The following GNB1 variants were observed in gnomAD, a reference collection of about 807,000 sequenced individuals.
GNB1 encodes guanine nucleotide-binding protein G(I)/G(S)/G(T) subunit beta-1.
In GNB1, 2 loss-of-function variants were observed where a neutral mutation model predicts 42.9. The observed-to-expected ratio is 0.05, with a 90% confidence interval of 0.02 to 0.15. GNB1 has a LOEUF of 0.15. Ranked by LOEUF, GNB1 falls within the 10% of genes least tolerant of loss-of-function variation. The pLI, the probability that GNB1 is intolerant of heterozygous loss-of-function variation, is 1.00. For synonymous variants in GNB1, 183 were observed against 174.7 expected, an observed-to-expected ratio of 1.05 and a Z score of -0.38; for missense variants, 193 against 462.2, an observed-to-expected ratio of 0.42 and a Z score of 5.34.
chr1:1,803,473 G>A (rs1174119195), intron 7 of GNB1, among the ~76,000 whole-genome samples: 1 of 152,088 alleles, frequency 6.6e-6, no homozygotes, highest in African/African-American at 2.4e-5. Context: ...GTAGAGAAGG[G>A]GTCTAGCTTT....
Position 1,830,831 on chromosome 1 carries a change from C to A in GNB1, c.-46-5332G>T, listed in dbSNP as rs181154366. Among the ~76,000 whole-genome samples the A allele has an allele frequency of 1.4e-3, 213 of 152,006 alleles. 1 individual carries two copies. The highest frequency in any genetic ancestry group is 5.7e-3 in the Admixed American group (87 of 15,246). ...CAAAGCGCTAGACTCTAATCTATTG[C>A]ATGAGCCACCACACCCAGCCTAAAG... On this transcript the variant is annotated intron_variant, in intron 2 of 11. Coordinates refer to ENST00000378609, the MANE Select transcript of GNB1 (RefSeq NM_002074.5).
At chr1:1,825,294 A>G (rs1436549658) in intron 3 of GNB1, 103 bp downstream of exon 3, 2 of 810,596 alleles carry the variant, frequency 2.5e-6, no homozygotes, top group Non-Finnish European at 4.3e-6. Flanking sequence ...AATTTCATAT[A>G]AAACATAGAA....
intron 5 of GNB1, among the ~76,000 whole-genome samples, chr1:1,812,629 A>C (rs1570654446): frequency 6.6e-6 from 1 of 152,202 alleles, no homozygotes; most frequent in Non-Finnish European, 1.5e-5. Flanking sequence ...AACATGGACC[A>C]ATGTGGCACC....
At chr1:1,856,574 C>T (rs1364874739) in intron 1 of GNB1, among the ~76,000 whole-genome samples, 4 of 152,132 alleles carry the variant, frequency 2.6e-5, no homozygotes, top group Non-Finnish European at 4.4e-5. Context: ...ACTACAGGCA[C>T]GCGCTACGAC....
intron 1 of GNB1, among the ~76,000 whole-genome samples, chr1:1,885,956 T>C (rs1201202273): frequency 2.6e-4 from 40 of 151,176 alleles, no homozygotes; most frequent in Admixed American, 2.6e-3. Context: ...TTCCACTGAT[T>C]ACCATGGCAC....
At chr1:1,811,926 C>T (rs1367991600) in intron 5 of GNB1, among the ~76,000 whole-genome samples, 8 of 151,304 alleles carry the variant, frequency 5.3e-5, no homozygotes, top group Admixed American at 2.6e-4. Flanking sequence ...ATTAGCCAGG[C>T]GTGGTGGCAG....
At chr1:1,812,017 G>C (rs1222453353) in intron 5 of GNB1, among the ~76,000 whole-genome samples, 4 of 151,414 alleles carry the variant, frequency 2.6e-5, no homozygotes, top group African/African-American at 9.7e-5. Flanking sequence ...AGTGAGCCGA[G>C]ATCGCACCAC....
intron 7 of GNB1, among the ~76,000 whole-genome samples, chr1:1,794,445 T>A (rs115411974): frequency 8.8e-4 from 134 of 152,262 alleles, no homozygotes; most frequent in African/African-American, 3.0e-3. Flanking sequence ...GTGCCCAGGA[T>A]TGGTGACAGA....
At chr1:1,809,568 G>A (rs953394413) in intron 5 of GNB1, among the ~76,000 whole-genome samples, 1 of 152,176 alleles carries the variant, frequency 6.6e-6, no homozygotes, top group Non-Finnish European at 1.5e-5. Context: ...TTTCTGCCCA[G>A]CCCTTCTGAG....
chr1:1,843,833 G>A (rs947939105), intron 1 of GNB1, among the ~76,000 whole-genome samples: 2 of 152,132 alleles, frequency 1.3e-5, no homozygotes, highest in African/African-American at 4.8e-5. Context: ...GCCGAGGCGG[G>A]TGGATCACCT....
At chr1:1,832,072 A>G (rs2101066625) in intron 2 of GNB1, among the ~76,000 whole-genome samples, 1 of 151,832 alleles carries the variant, frequency 6.6e-6, no homozygotes, top group South Asian at 2.1e-4. Flanking sequence ...TCAAAAAAAA[A>G]AAAAAAAGAA....
intron 1 of GNB1, among the ~76,000 whole-genome samples, chr1:1,865,663 A>G (rs1203539069): frequency 6.6e-6 from 1 of 152,238 alleles, no homozygotes; most frequent in Non-Finnish European, 1.5e-5. Context: ...GGATACAGCA[A>G]GAAACATGAC....
intron 3 of GNB1, among the ~76,000 whole-genome samples, chr1:1,821,136 A>G (rs1646925534): frequency 6.6e-6 from 1 of 152,206 alleles, no homozygotes. Context: ...TTGGGGTTTC[A>G]TCCTAAATTA....
chr1:1,804,619 GT>G, intron 6 of GNB1, 38 bp from the exon 7 acceptor site: 1 of 1,485,442 alleles, frequency 6.7e-7, no homozygotes, highest in East Asian at 2.4e-5. Context: ...ACAACTTTAT[GT>G]TCAAAAACAA....
chr1:1,818,680 T>C (rs1451971116), intron 3 of GNB1, among the ~76,000 whole-genome samples: 1 of 152,020 alleles, frequency 6.6e-6, no homozygotes, highest in Non-Finnish European at 1.5e-5. Flanking sequence ...CTGGCCAACA[T>C]GGTGAAACCC....
intron 1 of GNB1, among the ~76,000 whole-genome samples, chr1:1,846,765 G>A (rs1476316023): frequency 6.6e-6 from 1 of 152,088 alleles, no homozygotes; most frequent in Non-Finnish European, 1.5e-5. Context: ...TCACTATGTG[G>A]CCCAGGCTGG....
chr1:1,808,268 G>A (rs995844535), intron 5 of GNB1, among the ~76,000 whole-genome samples: 1 of 152,086 alleles, frequency 6.6e-6, no homozygotes, highest in African/African-American at 2.4e-5. Flanking sequence ...GCCTCCCAAC[G>A]TTTTGGTATT....
At chr1:1,890,085 C>A (rs1650393729) in intron 1 of GNB1, among the ~76,000 whole-genome samples, 1 of 152,126 alleles carries the variant, frequency 6.6e-6, no homozygotes, top group African/African-American at 2.4e-5. Context: ...ATTCGCGGGG[C>A]CGGGCCGGGG....
intron 1 of GNB1, among the ~76,000 whole-genome samples, chr1:1,880,594 A>AAT (rs553591057): frequency 0.026 from 3,864 of 151,494 alleles, 74 homozygotes; most frequent in Non-Finnish European, 0.039. Context: ...TCAAAAAAAA[A>AAT]ATATATATAT....
Sources: allele counts gnomAD v4.1 joint callset (sites outside exome capture counted in the v4.1 genomes callset), GRCh38; gene constraint gnomAD v4.1.1; transcripts MANE v1.5; gene names NCBI Gene and HGNC (gene_info 2026-07-23, HGNC 2026-07-21).